SLC4A5: variants seen among roughly 807,000 people sequenced by gnomAD.
SLC4A5 encodes the protein electrogenic sodium bicarbonate cotransporter 4.
SLC4A5 carries 96 observed loss-of-function variants against 120.4 expected under a neutral mutation model. The observed-to-expected ratio is 0.80, with a 90% CI of 0.68 to 0.94. The LOEUF is 0.94. SLC4A5 is among the 40% of genes least tolerant of loss of function. The pLI is 0.00. For missense variants in SLC4A5, 1,259 were observed against 1,459.5 expected, an observed-to-expected ratio of 0.86 and a Z score of 2.24; for synonymous variants, 550 against 571.1, an observed-to-expected ratio of 0.96 and a Z score of 0.53.
At chr2:74,307,786 C>G (rs1672691179) in intron 6 of SLC4A5, 1 of 542,762 alleles carries the variant, frequency 1.8e-6, no homozygotes, top group Non-Finnish European at 3.4e-6. Flanking sequence ...CTGGATGCCT[C>G]TCATTCTGGC....
chr2:74,301,331 A>C (rs1672470459), intron 7 of SLC4A5, among the ~76,000 whole-genome samples: 1 of 152,230 alleles, frequency 6.6e-6, no homozygotes, highest in African/African-American at 2.4e-5. Context: ...GTAAGGCAGG[A>C]ACTGAAGGGG....
rs577104708 is a variant in SLC4A5, at chr2:74,230,514, T to C, written c.2847+722A>G. ...GCCTCAGCCTCCTGAGTAGCCGGAC[T>C]ACAGGGATGTACCACCATGTTTGGC... On this transcript the variant is annotated intron_variant, in intron 25 of 30. Coordinates refer to ENST00000394019, the Ensembl canonical transcript of SLC4A5. 8.5e-4 allele frequency among the ~76,000 whole-genome samples: 129 copies of C among 152,322 alleles called. 3 individuals are homozygous for C. In the South Asian group the frequency reaches 0.027, roughly 31 times the overall value.
intron 8 of SLC4A5, among the ~76,000 whole-genome samples, chr2:74,267,639 G>A (rs1671345584): frequency 6.6e-6 from 1 of 152,226 alleles, no homozygotes; most frequent in African/African-American, 2.4e-5. Context: ...AGAGGAGTAG[G>A]ATTGTTGTTG....
chr2:74,319,046 A>G (rs922965822), intron 5 of SLC4A5, among the ~76,000 whole-genome samples: 4 of 152,176 alleles, frequency 2.6e-5, no homozygotes, highest in African/African-American at 7.2e-5. Flanking sequence ...AGAAAATGAA[A>G]TCATGTCTTT....
At chr2:74,246,901 T>G in intron 19 of SLC4A5, 135 bp downstream of exon 19, 1 of 1,155,580 alleles carries the variant, frequency 8.7e-7, no homozygotes, top group Non-Finnish European at 1.2e-6. Flanking sequence ...CAAGACCCTG[T>G]ATTTGCTCTC....
At chr2:74,230,480 G>C (rs1670034126) in intron 25 of SLC4A5, among the ~76,000 whole-genome samples, 1 of 152,168 alleles carries the variant, frequency 6.6e-6, no homozygotes, top group East Asian at 1.9e-4. Flanking sequence ...GAGCTCAGGT[G>C]ATCCTCCCGC....
chr2:74,247,756 C>A (rs1670658754), intron 18 of SLC4A5, among the ~76,000 whole-genome samples: 1 of 152,100 alleles, frequency 6.6e-6, no homozygotes, highest in African/African-American at 2.4e-5. Context: ...CTCAGGTGAT[C>A]CGCCCGCCCC....
At chr2:74,315,447 GA>G (rs57640033) in intron 5 of SLC4A5, among the ~76,000 whole-genome samples, 28,049 of 83,678 alleles carry the variant, frequency 0.34, 3,964 homozygotes, top group East Asian at 0.73. Flanking sequence ...CTTACGAAAA[GA>G]AAAAAAAAAA....
chr2:74,227,022 T>A, exon 27 of SLC4A5: 4 of 1,614,098 alleles, frequency 2.5e-6, no homozygotes, highest in Non-Finnish European at 3.4e-6. Flanking sequence ...AGGCAGAGGA[T>A]CTGCACCAGG....
In SLC4A5 at chr2:74,239,334, C is replaced by A. The variant is rs1670363412; in HGVS notation, c.2319+1G>T. On this transcript the variant is annotated splice_donor_variant, in intron 21 of 30. Transcript: ENST00000394019. LOFTEE classifies it high-confidence loss of function. Reference sequence around the variant, plus strand: ...CCCTCCTAACTGCAGGGTGAGCTTACCTTGGTAGGAAAATAGCGGCTGAAT... The same window carrying A: ...CCCTCCTAACTGCAGGGTGAGCTTAACTTGGTAGGAAAATAGCGGCTGAAT... 1 of 1,614,012 alleles carries A rather than the reference C, an allele frequency of 6.2e-7. No homozygotes were observed. Among genetic ancestry groups the A allele is most frequent in the South Asian group, 1.1e-5 (1 of 91,092 alleles).
At chr2:74,227,702 G>T in intron 26 of SLC4A5, 108 bp downstream of exon 26, 1 of 1,148,638 alleles carries the variant, frequency 8.7e-7, no homozygotes, top group South Asian at 1.5e-5. Flanking sequence ...CATTGAATTA[G>T]GACAATTGGG....
At chr2:74,325,243 T>A (rs1159810376) in intron 5 of SLC4A5, among the ~76,000 whole-genome samples, 15 of 152,198 alleles carry the variant, frequency 9.9e-5, no homozygotes, top group Admixed American at 9.2e-4. Flanking sequence ...AAATGCCTGC[T>A]TGTCACTGAC....
At chr2:74,266,321 T>C (rs1415666108) in intron 8 of SLC4A5, among the ~76,000 whole-genome samples, 2 of 152,052 alleles carry the variant, frequency 1.3e-5, no homozygotes, top group Non-Finnish European at 2.9e-5. Flanking sequence ...CAGGCTGGAG[T>C]GCAGTGGCAT....
At chr2:74,295,300 G>A (rs1672294377) in intron 7 of SLC4A5, among the ~76,000 whole-genome samples, 3 of 152,100 alleles carry the variant, frequency 2.0e-5, no homozygotes. Flanking sequence ...GTGGCCAGAG[G>A]ATTTTTAAGA....
At chr2:74,252,066 G>T in intron 16 of SLC4A5, 113 bp downstream of exon 16, 1 of 1,137,146 alleles carries the variant, frequency 8.8e-7, no homozygotes, top group East Asian at 2.4e-5. Context: ...AAGAAGGCAG[G>T]GGTGACCTCG....
chr2:74,234,500 AG>A (rs1470635036), intron 22 of SLC4A5, among the ~76,000 whole-genome samples: 5 of 152,146 alleles, frequency 3.3e-5, no homozygotes, highest in African/African-American at 1.2e-4. Context: ...ATGAGGGAGT[AG>A]GGCTGGGTTT....
chr2:74,281,921 G>A (rs1012470334), intron 8 of SLC4A5, among the ~76,000 whole-genome samples: 4 of 152,098 alleles, frequency 2.6e-5, no homozygotes, highest in Non-Finnish European at 4.4e-5. Context: ...CTGTGTGAGG[G>A]GCTGTCCCCT....
chr2:74,250,662 T>A, intron 16 of SLC4A5, 145 bp from the exon 17 acceptor site: 1 of 937,586 alleles, frequency 1.1e-6, no homozygotes. Flanking sequence ...CCAGAACATT[T>A]AGGGCCAGGG....
intron 2 of SLC4A5, chr2:74,339,440 ATATTGT>A (rs1673575590): frequency 6.6e-6 from 1 of 152,250 alleles, no homozygotes; most frequent in African/African-American, 2.4e-5. Context: ...TAAAAAAGAA[ATATTGT>A]TAAGTAGGAA....
Sources: allele counts gnomAD v4.1 joint callset (sites outside exome capture counted in the v4.1 genomes callset), GRCh38; gene constraint gnomAD v4.1.1; transcripts MANE v1.5; gene names NCBI Gene and HGNC (gene_info 2026-07-23, HGNC 2026-07-21).